Variants in PIK3R1 observed in about 807,000 individuals in gnomAD.
PIK3R1 encodes phosphatidylinositol 3-kinase regulatory subunit alpha.
A neutral mutation model predicts 98.0 loss-of-function variants in PIK3R1; 29 were observed. The ratio of observed to expected loss-of-function variants is 0.30; its 90% CI spans 0.22 to 0.40. The LOEUF (loss-of-function observed/expected upper bound fraction) is 0.40. Among genes scored for constraint, PIK3R1 ranks in the 10% least tolerant of loss-of-function variants. The pLI, the probability that PIK3R1 is intolerant of heterozygous loss-of-function variation, is 1.00. For missense variants in PIK3R1, 596 were observed against 872.7 expected (o/e 0.68, Z 3.99); for synonymous variants, 282 against 311.8 (o/e 0.90, Z 1.01).
intron 2 of PIK3R1, among the ~76,000 whole-genome samples, chr5:68,263,194 C>CAT (rs200977913): frequency 0.01 from 1,299 of 129,416 alleles, 58 homozygotes; most frequent in African/African-American, 0.018. Context: ...CATATATCTA[C>CAT]ATATATATCT....
At chr5:68,247,263 AATAG>A (rs1443295767) in intron 2 of PIK3R1, among the ~76,000 whole-genome samples, 2 of 152,314 alleles carry the variant, frequency 1.3e-5, no homozygotes, top group East Asian at 1.9e-4. Context: ...ATTCCATTTT[AATAG>A]ATCAGTGGAT....
chr5:68,281,359 A>T (rs1240023578), intron 7 of PIK3R1, among the ~76,000 whole-genome samples: 1 of 152,214 alleles, frequency 6.6e-6, no homozygotes, highest in Admixed American at 6.5e-5. Context: ...TAGGGGATTT[A>T]TAATTACTAT....
chr5:68,233,679 A>C (rs140968741), intron 2 of PIK3R1, among the ~76,000 whole-genome samples: 2,215 of 152,386 alleles, frequency 0.015, 30 homozygotes, highest in Middle Eastern at 0.02. Flanking sequence ...TTAAAATATA[A>C]CTTTGAATTA....
intron 2 of PIK3R1, among the ~76,000 whole-genome samples, chr5:68,241,770 CA>C (rs1744884033): frequency 6.6e-6 from 1 of 152,226 alleles, no homozygotes; most frequent in Non-Finnish European, 1.5e-5. Flanking sequence ...AGACGAGTTG[CA>C]GGAGGAAAGG....
rs556612218 is a variant in PIK3R1 at position 68,215,781 on chromosome 5, G to T, written c.-555G>T. 53 of 153,126 alleles carry T rather than the reference G, an allele frequency of 3.5e-4. No homozygotes were observed. The highest frequency in any genetic ancestry group is 1.3e-3 in the African/African-American group (53 of 41,548). 9.5% of individuals were successfully genotyped at this position (153,126 alleles called of 1,614,324 possible). A position where few individuals can be genotyped will look rare whatever the true frequency, so the allele number is the denominator to read the frequency against. On this transcript the variant is annotated 5_prime_UTR_variant, in exon 1 of 16. Coordinates refer to ENST00000521381, the MANE Select transcript of PIK3R1 (RefSeq NM_181523.3). ...GTCGCCAGCAGCTGGAGCGGAGTTG[G>T]AGGAAGCAGCGGCAGCGGCGAGGGC...
intron 2 of PIK3R1, among the ~76,000 whole-genome samples, chr5:68,246,955 T>C (rs1307816347): frequency 6.6e-6 from 1 of 152,234 alleles, no homozygotes; most frequent in African/African-American, 2.4e-5. Flanking sequence ...GCAGTCTTTC[T>C]GAAGCTGAAT....
rs1746467881 is a variant in PIK3R1, at chr5:68,273,921, G to A, written c.428-18G>A. 2.5e-6 allele frequency: 4 copies of A among 1,605,160 alleles called. No homozygotes were observed. The highest frequency in any genetic ancestry group is 3.3e-5 in the Admixed American group (2 of 59,970). ...CTGTGTTTTGCATACATGGTCTGTG[G>A]TCTGTTTTGTGTCCTAGGTCTGGAA... On this transcript the variant is annotated intron_variant, in intron 3 of 15. Transcript: ENST00000521381.
At chr5:68,290,877 G>A in intron 7 of PIK3R1, 2 of 1,378,450 alleles carry the variant, frequency 1.5e-6, no homozygotes, top group South Asian at 1.4e-5. Flanking sequence ...TAATTTCGTG[G>A]CTTTTTAATT....
intron 2 of PIK3R1, among the ~76,000 whole-genome samples, chr5:68,262,682 TCTGCATGTATAC>T (rs1427767030): frequency 3.9e-5 from 1 of 25,852 alleles, no homozygotes; most frequent in African/African-American, 2.3e-4. Flanking sequence ...GATACATGTA[TCTGCATGTATAC>T]ACATGTAGAT....
At chr5:68,218,896 A>G (rs1020528587) in intron 1 of PIK3R1, among the ~76,000 whole-genome samples, 1 of 152,220 alleles carries the variant, frequency 6.6e-6, no homozygotes, top group Non-Finnish European at 1.5e-5. Context: ...GCTTTTTATC[A>G]AAACCTAGGT....
At chr5:68,296,142 T>C (rs1172229890) in intron 14 of PIK3R1, 29 bp from the exon 15 acceptor site, 2 of 1,611,826 alleles carry the variant, frequency 1.2e-6, no homozygotes, top group Non-Finnish European at 1.7e-6. Context: ...GCACTCTTCA[T>C]TTAGAAACTT....
At chr5:68,272,292 A>T (rs934467958) in intron 2 of PIK3R1, among the ~76,000 whole-genome samples, 2 of 151,718 alleles carry the variant, frequency 1.3e-5, no homozygotes, top group African/African-American at 4.8e-5. Flanking sequence ...TTTGTTTACC[A>T]TAGTATATGG....
At chr5:68,269,025 G>A (rs772053573) in intron 2 of PIK3R1, among the ~76,000 whole-genome samples, 22 of 152,284 alleles carry the variant, frequency 1.4e-4, no homozygotes, top group Middle Eastern at 6.8e-3. Context: ...ATGCAGCATC[G>A]GATGTGTCAT....
intron 10 of PIK3R1, 29 bp from the exon 11 acceptor site, chr5:68,293,680 A>G (rs1198197460): frequency 3.0e-6 from 4 of 1,344,652 alleles, no homozygotes; most frequent in Non-Finnish European, 4.2e-6. Flanking sequence ...TAAATACCTT[A>G]TCCATTGAAT....
chr5:68,262,059 C>T (rs893403422), intron 2 of PIK3R1, among the ~76,000 whole-genome samples: 16 of 152,228 alleles, frequency 1.1e-4, no homozygotes, highest in Admixed American at 1.0e-3. Flanking sequence ...GTCACTGCTA[C>T]TTTTTCATTA....
intron 2 of PIK3R1, 28 bp downstream of exon 2, chr5:68,227,037 G>T: frequency 6.4e-7 from 1 of 1,551,120 alleles, no homozygotes; most frequent in South Asian, 1.2e-5. Context: ...GTTGCTTAAT[G>T]ACTCCCTTTC....
chr5:68,293,243 T>A (rs1175416250), intron 9 of PIK3R1, 44 bp downstream of exon 9: 3 of 1,596,292 alleles, frequency 1.9e-6, no homozygotes, highest in Non-Finnish European at 2.6e-6. Flanking sequence ...TGGGCTGATA[T>A]TAAAACATAT....
At position 68,226,939 on chromosome 5, in the gene PIK3R1, G is replaced by A. The variant is rs895812050; in HGVS notation, c.264G>A (p.Lys88=). The A allele has an allele frequency of 6.2e-7, 1 of 1,614,098 alleles. No homozygotes were observed. The highest frequency in any genetic ancestry group is 8.5e-7 in the Non-Finnish European group (1 of 1,180,000). Residue 88 remains lysine, a synonymous_variant, in exon 2 of 16, where the codon AAG becomes AAA. Coordinates refer to ENST00000521381, the MANE Select transcript of PIK3R1 (RefSeq NM_181523.3). ...GRKKISPPTP[K]PRPPRPLPVA... ...AAAAAATCTCGCCTCCCACACCAAA[G>A]CCCCGGCCACCTCGGCCTCTTCCTG...
In PIK3R1 at chr5:68,279,783, G is replaced by A. The variant is rs369763036; in HGVS notation, c.634+50G>A. On this transcript the variant is annotated intron_variant, in intron 5 of 15. Coordinates refer to ENST00000521381, the MANE Select transcript of PIK3R1 (RefSeq NM_181523.3). ...CTCATTGAACATACATGGAGATGTA[G>A]AGGTGCTTGTATATGTCTTGCATAT... 4.4e-6 allele frequency: 7 copies of A among 1,578,950 alleles called. No homozygotes were observed. The African/African-American group carries it at 9.5e-5, about 21-fold the overall frequency.
Sources: allele counts gnomAD v4.1 joint callset (sites outside exome capture counted in the v4.1 genomes callset), GRCh38; gene constraint gnomAD v4.1.1; transcripts MANE v1.5; gene names NCBI Gene and HGNC (gene_info 2026-07-23, HGNC 2026-07-21).